NTRK3: variants seen among roughly 807,000 people sequenced by gnomAD.
NTRK3 encodes neurotrophic receptor tyrosine kinase 3, also known as NT-3 growth factor receptor.
In NTRK3, 24 loss-of-function variants were observed where a neutral mutation model predicts 91.7. The ratio of observed to expected loss-of-function variants is 0.26; its 90% CI spans 0.19 to 0.37. The LOEUF is 0.37. Among genes scored for constraint, NTRK3 ranks in the 10% least tolerant of loss-of-function variants. The probability of loss-of-function intolerance (pLI) is 1.00; values close to 1 mark genes in which losing one functional copy is unlikely to be tolerated. For synonymous variants in NTRK3, 483 were observed against 404.0 expected (o/e 1.20, Z -2.34); for missense variants, 880 against 1,068.9 (o/e 0.82, Z 2.46).
chr15:87,990,890 A>C (rs1432977065), intron 14 of NTRK3, among the ~76,000 whole-genome samples: 2 of 152,150 alleles, frequency 1.3e-5, no homozygotes, highest in Non-Finnish European at 2.9e-5. Flanking sequence ...CCATTTTCTT[A>C]GTTCCTTTGG....
intron 17 of NTRK3, 44 bp from the exon 18 acceptor site, chr15:87,885,779 TAGAA>T: frequency 2.2e-6 from 2 of 901,292 alleles, no homozygotes; most frequent in Non-Finnish European, 3.1e-6. Flanking sequence ...GAAGAAAACT[TAGAA>T]AAGTATTCTT....
chr15:88,104,882 C>G (rs544254873), intron 13 of NTRK3, among the ~76,000 whole-genome samples: 1 of 152,314 alleles, frequency 6.6e-6, no homozygotes, highest in South Asian at 2.1e-4. Flanking sequence ...CTGCCCTGTC[C>G]TTTTATGTTT....
chr15:88,022,077 G>T (rs2077639221), intron 14 of NTRK3, among the ~76,000 whole-genome samples: 1 of 152,068 alleles, frequency 6.6e-6, no homozygotes. Context: ...TGACTTATTT[G>T]ATGGGTGATG....
intron 13 of NTRK3, among the ~76,000 whole-genome samples, chr15:88,067,146 GGATC>G (rs2046718847): frequency 6.6e-6 from 1 of 152,082 alleles, no homozygotes; most frequent in Admixed American, 6.6e-5. Context: ...ACCTTCCCTT[GGATC>G]AGTTCCATGC....
At chr15:87,893,070 A>T (rs1265017941) in intron 17 of NTRK3, among the ~76,000 whole-genome samples, 1 of 152,218 alleles carries the variant, frequency 6.6e-6, no homozygotes, top group Admixed American at 6.5e-5. Flanking sequence ...TGCAACGGAC[A>T]TATATATTTT....
chr15:88,001,106 G>A (rs548540131), intron 14 of NTRK3, among the ~76,000 whole-genome samples: 2 of 152,184 alleles, frequency 1.3e-5, no homozygotes, highest in African/African-American at 4.8e-5. Flanking sequence ...TAATTATAAT[G>A]AGCAACTTTT....
At chr15:88,251,364 T>G (rs2053345691) in intron 3 of NTRK3, among the ~76,000 whole-genome samples, 1 of 152,254 alleles carries the variant, frequency 6.6e-6, no homozygotes, top group East Asian at 1.9e-4. Context: ...AGAAACACTC[T>G]GCCCTGCGGC....
intron 17 of NTRK3, among the ~76,000 whole-genome samples, chr15:87,914,308 T>C (rs1021063304): frequency 2.6e-5 from 4 of 152,190 alleles, no homozygotes; most frequent in African/African-American, 9.6e-5. Context: ...CCTTCTCCAG[T>C]CCTCTGCACT....
At chr15:88,151,960 T>C (rs1188309864) in intron 5 of NTRK3, among the ~76,000 whole-genome samples, 1 of 152,154 alleles carries the variant, frequency 6.6e-6, no homozygotes, top group Non-Finnish European at 1.5e-5. Context: ...ACTTGAGTGT[T>C]TTCTGTTGTA....
At chr15:87,977,803 A>T (rs1475794080) in intron 14 of NTRK3, 2 of 232,412 alleles carry the variant, frequency 8.6e-6, no homozygotes, top group Admixed American at 1.1e-4. Flanking sequence ...AGGCATTTGC[A>T]GAATCGGGCT....
At chr15:88,114,225 T>C (rs1183687115) in intron 13 of NTRK3, among the ~76,000 whole-genome samples, 1 of 152,194 alleles carries the variant, frequency 6.6e-6, no homozygotes, top group African/African-American at 2.4e-5. Context: ...CCTGTCCTCA[T>C]GGGTCTCACA....
intron 14 of NTRK3, among the ~76,000 whole-genome samples, chr15:88,021,910 T>C (rs548350346): frequency 6.6e-6 from 1 of 152,294 alleles, no homozygotes; most frequent in African/African-American, 2.4e-5. Context: ...ACTACCGAGA[T>C]TCCTGCTTGT....
At chr15:88,095,738 G>T (rs890664519) in intron 13 of NTRK3, among the ~76,000 whole-genome samples, 1 of 152,186 alleles carries the variant, frequency 6.6e-6, no homozygotes. Context: ...TGGAGGATGA[G>T]GTAGGGCGTA....
At chr15:87,929,104 G>A (rs760533451) in intron 17 of NTRK3, 87 bp downstream of exon 17, 5 of 1,601,954 alleles carry the variant, frequency 3.1e-6, no homozygotes, top group Non-Finnish European at 4.3e-6. Flanking sequence ...GTGTGCCAGA[G>A]TGACAGGGTT....
exon 19 of NTRK3, chr15:87,863,577 C>A (rs1279438196): frequency 9.3e-6 from 2 of 215,954 alleles, no homozygotes. Flanking sequence ...CCTGAAGCAA[C>A]CCTAGTTTTC....
At chr15:88,113,093 C>G (rs1037081662) in intron 13 of NTRK3, among the ~76,000 whole-genome samples, 1 of 152,102 alleles carries the variant, frequency 6.6e-6, no homozygotes, top group Non-Finnish European at 1.5e-5. Context: ...TCAGACCAAC[C>G]CAGTCATTAC....
At chr15:88,094,405 C>T (rs1409153214) in intron 13 of NTRK3, among the ~76,000 whole-genome samples, 1 of 139,556 alleles carries the variant, frequency 7.2e-6, no homozygotes, top group East Asian at 2.3e-4. Context: ...GGAAGCGGAG[C>T]TTGCAGTGAG....
intron 14 of NTRK3, among the ~76,000 whole-genome samples, chr15:87,989,959 G>C (rs1314891834): frequency 7.9e-5 from 12 of 152,046 alleles, no homozygotes; most frequent in Admixed American, 7.9e-4. Context: ...AATTTTTTCT[G>C]GTTTTCTTTG....
chr15:87,969,925 G>A (rs1358674737), intron 14 of NTRK3, among the ~76,000 whole-genome samples: 1 of 152,048 alleles, frequency 6.6e-6, no homozygotes, highest in Non-Finnish European at 1.5e-5. Context: ...TCACCCAAAG[G>A]GGCAGCCATC....
Sources: allele counts gnomAD v4.1 joint callset (sites outside exome capture counted in the v4.1 genomes callset), GRCh38; gene constraint gnomAD v4.1.1; transcripts MANE v1.5; gene names NCBI Gene and HGNC (gene_info 2026-07-23, HGNC 2026-07-21).